Variants in DENND3 observed in about 807,000 individuals in gnomAD.
DENND3 encodes the protein DENN domain-containing protein 3.
In DENND3, 88 loss-of-function variants were observed where a neutral mutation model predicts 135.1. The ratio of observed to expected loss-of-function variants is 0.65; its 90% CI spans 0.55 to 0.78. The LOEUF is 0.78. DENND3 is among the 30% of genes least tolerant of loss of function. The pLI is 0.00. For synonymous variants in DENND3, 693 were observed against 712.3 expected, an observed-to-expected ratio of 0.97 and a Z score of 0.43; for missense variants, 1,392 against 1,688.4, an observed-to-expected ratio of 0.82 and a Z score of 3.08.
chr8:141,175,583 A>G lies in DENND3; in HGVS notation c.2535+124A>G. ...CAGCTGCAGCCCTTCTGCAGACCGA[A>G]TGCCTTCCTGTCCCTCAGTTTGCTC... On this transcript the variant is annotated intron_variant, in intron 14 of 22. Transcript: ENST00000519811. The surrounding 1 kb of genome is among the most constrained non-coding windows in gnomAD (Gnocchi z 5.4). The G allele has an allele frequency of 1.4e-6, 2 of 1,456,980 alleles. No individual in the cohort carries two copies. Among genetic ancestry groups the G allele is most frequent in the Non-Finnish European group, 1.9e-6 (2 of 1,054,682 alleles). 90.3% of individuals were successfully genotyped at this position (1,456,980 alleles called of 1,614,324 possible). A position where few individuals can be genotyped will look rare whatever the true frequency, so the allele number is the denominator to read the frequency against.
intron 2 of DENND3, 51 bp downstream of exon 2, chr8:141,136,842 A>G (rs375158742): frequency 6.7e-5 from 99 of 1,482,142 alleles, no homozygotes; most frequent in Middle Eastern, 2.4e-4. Context: ...CCGGCCACCC[A>G]GAGTGGTCTA....
chr8:141,159,699 C>T (rs528480760), intron 8 of DENND3, among the ~76,000 whole-genome samples: 6 of 152,308 alleles, frequency 3.9e-5, no homozygotes, highest in Admixed American at 1.3e-4. Context: ...ACCAGATATG[C>T]GTTGGTTCTG....
Position 141,141,056 on chromosome 8 carries a change from G to T in DENND3, c.502-147G>T, listed in dbSNP as rs539714858. ...AATAGGGACCCCGTAGACTTCGACC[G>T]GAGGGCCGGTGCTGGCTTGGACGCG... On this transcript the variant is annotated intron_variant, in intron 3 of 22. Coordinates refer to ENST00000519811, the MANE Select transcript of DENND3 (RefSeq NM_001352890.3). This position sits in a 1 kb window ranked among gnomAD's most constrained non-coding sequence, Gnocchi z 5.3. The T allele has an allele frequency of 1.8e-5, 23 of 1,255,848 alleles. No individual in the cohort carries two copies. Among genetic ancestry groups the T allele is most frequent in the Non-Finnish European group, 2.6e-5 (23 of 891,218 alleles). The allele number at this position is 1,255,848 out of a possible 1,614,324, so 77.8% of individuals were successfully genotyped here.
intron 2 of DENND3, 146 bp downstream of exon 2, chr8:141,136,937 T>G (rs1816858088): frequency 4.4e-6 from 3 of 678,426 alleles, no homozygotes; most frequent in Admixed American, 4.3e-5. Context: ...GGATTTAGTT[T>G]TCTTAATCTT....
chr8:141,167,369 C>G lies in DENND3; in HGVS notation c.1754-635C>G, dbSNP rs1209988390. On this transcript the variant is annotated intron_variant, in intron 12 of 22. Transcript: ENST00000519811. The surrounding 1 kb of genome is among the most constrained non-coding windows in gnomAD (Gnocchi z 4.1). ...TGCCCTCGGAACCTTCCCCTGGAGC[C>G]CCCATGACCCTCCTCCTGCTCTCTT... 6.6e-6 allele frequency among the ~76,000 whole-genome samples: 1 copy of G among 152,210 alleles called. No individual in the cohort carries two copies. Among genetic ancestry groups the G allele is most frequent in the Non-Finnish European group, 1.5e-5 (1 of 68,032 alleles).
chr8:141,139,500 C>A lies in DENND3; in HGVS notation c.501+1363C>A, dbSNP rs1482284124. On this transcript the variant is annotated intron_variant, in intron 3 of 22. Coordinates refer to ENST00000519811, the MANE Select transcript of DENND3 (RefSeq NM_001352890.3). The surrounding 1 kb of genome is among the most constrained non-coding windows in gnomAD (Gnocchi z 4.2). ...GGGGACCAGCGTCCGCCTCTGTGACCTGGCTGCCAGCAGCCCCAGGCCTTT... is the reference window on the plus strand; with the variant it reads ...GGGGACCAGCGTCCGCCTCTGTGACATGGCTGCCAGCAGCCCCAGGCCTTT... 6.6e-6 allele frequency among the ~76,000 whole-genome samples: 1 copy of A among 152,210 alleles called. No homozygotes were observed. Among genetic ancestry groups the A allele is most frequent in the Non-Finnish European group, 1.5e-5 (1 of 68,036 alleles).
At chr8:141,143,497 C>T (rs555237277) in intron 4 of DENND3, among the ~76,000 whole-genome samples, 21 of 152,278 alleles carry the variant, frequency 1.4e-4, no homozygotes, top group African/African-American at 4.6e-4. Context: ...CTCAAACTCC[C>T]GGGCTCAAGT....
chr8:141,173,190 C>A (rs550538958), intron 13 of DENND3, among the ~76,000 whole-genome samples: 8 of 152,398 alleles, frequency 5.2e-5, no homozygotes, highest in Admixed American at 5.2e-4. Flanking sequence ...CTGCAGAGAC[C>A]TGGCCTGACA....
chr8:141,166,089 G>T lies in DENND3; in HGVS notation c.1554-101G>T. ...CTGTTTTCCACTGGTGTCCAAGAGT[G>T]TCATGTGCTCTTCATCACACTGGGA... is the stretch of plus-strand genomic sequence containing the variant. On this transcript the variant is annotated intron_variant, in intron 11 of 22. Transcript: ENST00000519811. This position sits in a 1 kb window ranked among gnomAD's most constrained non-coding sequence, Gnocchi z 4.3. 2 of 1,180,208 alleles carry T rather than the reference G, an allele frequency of 1.7e-6. No homozygotes were observed. The highest frequency in any genetic ancestry group is 1.4e-5 in the South Asian group (1 of 73,780). The allele number at this position is 1,180,208 out of a possible 1,614,324, so 73.1% of individuals were successfully genotyped here.
At chr8:141,172,998 G>C (rs1429332833) in intron 13 of DENND3, among the ~76,000 whole-genome samples, 1 of 150,136 alleles carries the variant, frequency 6.7e-6, no homozygotes, top group Admixed American at 6.7e-5. Context: ...AGTGTAGGCT[G>C]AGGCACCCCA....
intron 13 of DENND3, chr8:141,173,360 G>A (rs534205629): frequency 2.6e-4 from 40 of 152,352 alleles, no homozygotes; most frequent in African/African-American, 8.4e-4. Flanking sequence ...TAATTCATCG[G>A]GAATCCCGCC....
chr8:141,164,117 G>A (rs1263134490), intron 10 of DENND3, among the ~76,000 whole-genome samples: 1 of 152,156 alleles, frequency 6.6e-6, no homozygotes, highest in Non-Finnish European at 1.5e-5. Context: ...GCCCATCTCA[G>A]AGTCTTGCGC....
chr8:141,166,409 G>A lies in DENND3; in HGVS notation c.1753+20G>A, dbSNP rs762223496. On this transcript the variant is annotated intron_variant, in intron 12 of 22. Coordinates refer to ENST00000519811, the MANE Select transcript of DENND3 (RefSeq NM_001352890.3). This position sits in a 1 kb window ranked among gnomAD's most constrained non-coding sequence, Gnocchi z 4.3. Reference sequence around the variant, plus strand: ...GCGCAGGTGAGGGCTGCCCCCCACTGTGGTGCTGTGTGTCGGTCCCACCAT... The same window carrying A: ...GCGCAGGTGAGGGCTGCCCCCCACTATGGTGCTGTGTGTCGGTCCCACCAT... The A allele has an allele frequency of 1.1e-4, 172 of 1,599,956 alleles. No individual in the cohort carries two copies. The highest frequency in any genetic ancestry group is 1.4e-4 in the Non-Finnish European group (164 of 1,175,222).
intron 9 of DENND3, among the ~76,000 whole-genome samples, chr8:141,162,879 A>C (rs1674687103): frequency 6.6e-6 from 1 of 152,188 alleles, no homozygotes; most frequent in South Asian, 2.1e-4. Flanking sequence ...GTGCCACTGC[A>C]CTCCAGCCTG....
chr8:141,151,863 A>C, intron 7 of DENND3, 26 bp downstream of exon 7: 1 of 1,611,256 alleles, frequency 6.2e-7, no homozygotes, highest in African/African-American at 1.3e-5. Flanking sequence ...TTTGACTTGG[A>C]ATGCTAAATT....
intron 18 of DENND3, among the ~76,000 whole-genome samples, chr8:141,186,486 T>G (rs1246265132): frequency 1.3e-5 from 2 of 152,182 alleles, no homozygotes; most frequent in African/African-American, 4.8e-5. Context: ...CCAACACAAA[T>G]TTGTAAACTT....
At chr8:141,131,270 T>C (rs1422179323) in intron 1 of DENND3, among the ~76,000 whole-genome samples, 1 of 152,194 alleles carries the variant, frequency 6.6e-6, no homozygotes, top group Non-Finnish European at 1.5e-5. Context: ...AACCCCATTA[T>C]TGGTTGCTAT....
chr8:141,180,693 G>A (rs150067774), intron 16 of DENND3, 54 bp from the exon 17 acceptor site: 47 of 1,501,466 alleles, frequency 3.1e-5, no homozygotes, highest in African/African-American at 5.5e-5. Context: ...CCGTTGCATC[G>A]CGTCTGTTTC....
chr8:141,158,051 C>G (rs751146558), intron 8 of DENND3: 1 of 1,196,064 alleles, frequency 8.4e-7, no homozygotes, highest in Admixed American at 3.2e-5. Context: ...TGAGCCACCG[C>G]GCCCAGTCGG....
Sources: allele counts gnomAD v4.1 joint callset (sites outside exome capture counted in the v4.1 genomes callset), GRCh38; gene constraint gnomAD v4.1.1; non-coding constraint Gnocchi (gnomAD v3.1); transcripts MANE v1.5; gene names NCBI Gene and HGNC (gene_info 2026-07-23, HGNC 2026-07-21).